CCSER2: variants seen among roughly 807,000 people sequenced by gnomAD.
CCSER2 encodes the protein coiled-coil serine rich protein 2.
Under a neutral mutation model 92.3 loss-of-function variants are expected in CCSER2, and 46 were observed. That is an observed-to-expected ratio of 0.50 (90% CI 0.39 to 0.64). CCSER2 has a LOEUF of 0.64. Among genes scored for constraint, CCSER2 ranks in the 30% least tolerant of loss-of-function variants. CCSER2 has a pLI of 0.00. For synonymous variants in CCSER2, 433 were observed against 431.4 expected, an observed-to-expected ratio of 1.00 and a Z score of -0.04; for missense variants, 1,244 against 1,238.9, an observed-to-expected ratio of 1.00 and a Z score of -0.06.
chr10:84,514,530 T>C lies in CCSER2; in HGVS notation c.*263T>C. On this transcript the variant is annotated 3_prime_UTR_variant, in exon 10 of 10. Transcript: ENST00000372088. ...GGCCTGCCAAAGGCCCAAATCATGT[T>C]ATCCATCCCTCTCCACGTCAGAAAA... The C allele has an allele frequency of 2.1e-6, 1 of 466,832 alleles. No homozygotes were observed. The allele number at this position is 466,832 out of a possible 1,614,324, so 28.9% of individuals were successfully genotyped here.
rs1299531690 is a variant in CCSER2 at position 84,470,413 on chromosome 10, A to C, written c.2190A>C (p.Glu730Asp). Residue 730 changes from glutamate to aspartate, a missense_variant, in exon 8 of 10, where the codon GAA (glutamate) becomes GAC (aspartate). Physicochemically the swap from Glu to Asp is conservative, Grantham distance 45. Transcript: ENST00000372088. The part of the protein sequence containing the change: ...LLNEIKQLKD[E>D]IKKKDEKIQL... ...ATGAAATAAAACAACTTAAAGACGA[A>C]ATAAAGAAAAAAGATGAAAAGATCC... The C allele has an allele frequency of 7.2e-7, 1 of 1,397,830 alleles. No individual in the cohort carries two copies. The allele number at this position is 1,397,830 out of a possible 1,614,324, so 86.6% of individuals were successfully genotyped here. A position where few individuals can be genotyped will look rare whatever the true frequency, so the allele number is the denominator to read the frequency against.
chr10:84,341,411 C>T (rs10887279), intron 1 of CCSER2, among the ~76,000 whole-genome samples: 52,480 of 144,432 alleles, frequency 0.36, 11,235 homozygotes, highest in East Asian at 0.5. Context: ...TCTCAAACTC[C>T]TAGCCTCAAG....
intron 9 of CCSER2, among the ~76,000 whole-genome samples, chr10:84,508,177 C>A (rs1021493472): frequency 6.6e-6 from 1 of 152,176 alleles, no homozygotes; most frequent in Non-Finnish European, 1.5e-5. Flanking sequence ...CATTTTTTAA[C>A]CCCAGTTTAC....
At chr10:84,364,247 A>T (rs1845661783) in intron 1 of CCSER2, among the ~76,000 whole-genome samples, 1 of 152,228 alleles carries the variant, frequency 6.6e-6, no homozygotes, top group Admixed American at 6.5e-5. Context: ...TACAATAAAT[A>T]TGTAAAAAAT....
chr10:84,346,353 C>T lies in CCSER2; in HGVS notation c.-40+17545C>T, dbSNP rs560307698. ...TGCTGGGATTACAGGCGTGAGCCAC[C>T]GCACCCAGCCATGTATTAGAATAAT... On this transcript the variant is annotated intron_variant, in intron 1 of 9. Coordinates refer to ENST00000372088, the MANE Select transcript of CCSER2 (RefSeq NM_001284240.2). Among the ~76,000 whole-genome samples, 8 of 151,674 alleles carry T rather than the reference C, an allele frequency of 5.3e-5. No homozygotes were observed. In the East Asian group the frequency reaches 5.8e-4, roughly 11 times the overall value.
At chr10:84,425,676 C>T (rs1467762333) in intron 4 of CCSER2, 55 bp from the exon 5 acceptor site, 2 of 1,252,458 alleles carry the variant, frequency 1.6e-6, no homozygotes, top group Non-Finnish European at 2.1e-6. Flanking sequence ...CTATAAGAGT[C>T]AACTTTTATG....
chr10:84,446,228 C>T (rs1327978914), intron 6 of CCSER2, among the ~76,000 whole-genome samples: 5 of 152,070 alleles, frequency 3.3e-5, no homozygotes, highest in African/African-American at 1.2e-4. Flanking sequence ...TATTTGATTC[C>T]TATGATTTAT....
At chr10:84,472,991 A>G (rs1435494337) in intron 8 of CCSER2, 1 of 152,218 alleles carries the variant, frequency 6.6e-6, no homozygotes, top group African/African-American at 2.4e-5. Context: ...CTTTTAATTT[A>G]GAACTGTTCT....
At chr10:84,455,483 C>T (rs147510336) in intron 6 of CCSER2, 353 of 291,764 alleles carry the variant, frequency 1.2e-3, no homozygotes, top group African/African-American at 7.0e-3. Context: ...GCCATGTTGG[C>T]CAGGCTGGTC....
chr10:84,446,990 T>C (rs1454502323), intron 6 of CCSER2, among the ~76,000 whole-genome samples: 1 of 152,028 alleles, frequency 6.6e-6, no homozygotes, highest in Non-Finnish European at 1.5e-5. Flanking sequence ...ATAATATCTT[T>C]GTCTGTTTTA....
intron 3 of CCSER2, among the ~76,000 whole-genome samples, chr10:84,378,778 G>C (rs1846482844): frequency 1.3e-5 from 2 of 152,052 alleles, no homozygotes; most frequent in Non-Finnish European, 2.9e-5. Flanking sequence ...GTCTCTTTTT[G>C]TCCAGTCTGG....
chr10:84,433,752 T>G (rs1843929419), intron 5 of CCSER2, among the ~76,000 whole-genome samples: 1 of 152,336 alleles, frequency 6.6e-6, no homozygotes. Context: ...CTCTTCAAGA[T>G]TCTTTTCTCT....
At chr10:84,483,087 A>G (rs1000115530) in intron 9 of CCSER2, among the ~76,000 whole-genome samples, 1 of 145,812 alleles carries the variant, frequency 6.9e-6, no homozygotes, top group African/African-American at 2.4e-5. Context: ...AGCAATTGGA[A>G]TATGGTCAGC....
chr10:84,372,492 T>A (rs1404858429), intron 2 of CCSER2, 23 bp downstream of exon 2: 1 of 1,365,934 alleles, frequency 7.3e-7, no homozygotes, highest in Non-Finnish European at 1.0e-6. Context: ...TACCTTAAGT[T>A]TTTTTGCTTT....
chr10:84,372,234 G>A lies in CCSER2; in HGVS notation c.1182G>A (p.Val394=), dbSNP rs191475529. ...DAKMRYLSDD[V]DDISLSSLSS... ...AAATGAGATACCTGAGTGATGATGT[G>A]GATGACATTTCCTTGTCGTCTTTGT... The change falls in exon 2 of 10, where the codon GTG becomes GTA. Residue 394 remains valine, a synonymous_variant. Transcript: ENST00000372088. The A allele has an allele frequency of 1.6e-5, 26 of 1,613,206 alleles. No homozygotes were observed. In the Admixed American group the frequency reaches 3.3e-4, roughly 21 times the overall value.
Position 84,513,579 on chromosome 10 carries a change from A to G in CCSER2, c.2456A>G (p.His819Arg). The G allele has an allele frequency of 1.2e-6, 2 of 1,613,996 alleles. No homozygotes were observed. The highest frequency in any genetic ancestry group is 2.2e-5 in the South Asian group (2 of 91,076). Residue 819 changes from histidine to arginine, a missense_variant, in exon 10 of 10, where the codon CAT becomes CGT. His to Arg is a conservative substitution (Grantham distance 29, BLOSUM62 0). Coordinates refer to ENST00000372088, the MANE Select transcript of CCSER2 (RefSeq NM_001284240.2). Reference sequence around the variant, plus strand: ...CAAGACATGCATCAGGGCGGTGCACATCCGGAAGAAAGCTTTACACACGTC... The same window carrying G: ...CAAGACATGCATCAGGGCGGTGCACGTCCGGAAGAAAGCTTTACACACGTC... ...SIQDMHQGGA[H>R]PEESFTHVLH...
intron 9 of CCSER2, among the ~76,000 whole-genome samples, chr10:84,500,807 T>C (rs1399133113): frequency 6.6e-6 from 1 of 152,228 alleles, no homozygotes; most frequent in African/African-American, 2.4e-5. Flanking sequence ...ATTCATTCAA[T>C]TTTTTCATTA....
chr10:84,381,747 G>A (rs1465523830), intron 3 of CCSER2, among the ~76,000 whole-genome samples: 6 of 151,954 alleles, frequency 3.9e-5, no homozygotes, highest in Non-Finnish European at 8.8e-5. Flanking sequence ...GACCAATACA[G>A]TGAAATCCCG....
intron 9 of CCSER2, among the ~76,000 whole-genome samples, chr10:84,495,580 T>C (rs1273364506): frequency 6.6e-6 from 1 of 152,190 alleles, no homozygotes; most frequent in African/African-American, 2.4e-5. Context: ...AATTGTAGAT[T>C]TGGCGATTCT....
Sources: gnomAD v4.1 joint callset for allele counts (sites outside exome capture counted in the v4.1 genomes callset) on GRCh38, gnomAD v4.1.1 for gene constraint, MANE v1.5 for transcripts, NCBI Gene and HGNC (gene_info 2026-07-23, HGNC 2026-07-21) for gene names.